The following CLCNKA variants were observed in gnomAD, a reference collection of about 807,000 sequenced individuals.
CLCNKA encodes the protein chloride channel protein ClC-Ka.
In CLCNKA, 66 loss-of-function variants were observed where a neutral mutation model predicts 83.3. That is an observed-to-expected ratio of 0.79 (90% confidence interval 0.65 to 0.97). The LOEUF is 0.97. Among genes scored for constraint, CLCNKA ranks in the 50% least tolerant of loss-of-function variants. CLCNKA has a pLI of 0.00. For missense variants in CLCNKA, 806 were observed against 888.7 expected, an observed-to-expected ratio of 0.91 and a Z score of 1.18; for synonymous variants, 357 against 370.4, an observed-to-expected ratio of 0.96 and a Z score of 0.42.
At chr1:16,026,658 G>A (rs775305478) in intron 6 of CLCNKA, 39 bp from the exon 7 acceptor site, 4 of 1,613,644 alleles carry the variant, frequency 2.5e-6, no homozygotes, top group Non-Finnish European at 3.4e-6. Context: ...AGTGGGGAGG[G>A]AGGGGGCTGA....
chr1:16,028,862 G>C lies in CLCNKA; in HGVS notation c.1053+17G>C, dbSNP rs372457533. Reference sequence around the variant, plus strand: ...GCTTCTCGGGTAAGGGGTCCTGAGCGGGGGTGGCAGGAGTGGGAACCCCCA... The same window carrying C: ...GCTTCTCGGGTAAGGGGTCCTGAGCCGGGGTGGCAGGAGTGGGAACCCCCA... On this transcript the variant is annotated intron_variant, in intron 11 of 19. Transcript: ENST00000331433. The C allele has an allele frequency of 6.8e-6, 11 of 1,613,130 alleles. No homozygotes were observed. Among genetic ancestry groups the C allele is most frequent in the South Asian group, 2.2e-5 (2 of 91,070 alleles).
At chr1:16,023,966 G>A (rs1557448001) in intron 3 of CLCNKA, 38 bp downstream of exon 3, 1 of 1,612,844 alleles carries the variant, frequency 6.2e-7, no homozygotes. Flanking sequence ...TGGGCCAAGG[G>A]ATTCTAGGCA....
chr1:16,023,736 C>T, intron 2 of CLCNKA, 64 bp from the exon 3 acceptor site: 1 of 1,605,848 alleles, frequency 6.2e-7, no homozygotes, highest in African/African-American at 1.3e-5. Flanking sequence ...AGCAGACCTC[C>T]AGGGAAGGGG....
At chr1:16,025,325 A>G (rs2022304479) in intron 4 of CLCNKA, among the ~76,000 whole-genome samples, 1 of 152,216 alleles carries the variant, frequency 6.6e-6, no homozygotes, top group African/African-American at 2.4e-5. Context: ...CTCTGACTCT[A>G]GCATCCAAAT....
In CLCNKA at chr1:16,032,522, A is replaced by T; in HGVS notation, c.1925A>T (p.His642Leu). ...ACGCTATTCTCAGAGACCACCTTGCACCAGGTAACAAGTATTGGGGAGTGT... is the reference window on the plus strand; with the variant it reads ...ACGCTATTCTCAGAGACCACCTTGCTCCAGGTAACAAGTATTGGGGAGTGT... ...TLTLFSETTL[H>L]QAQNLFKLLN... The change falls in exon 18 of 20, where the codon CAC (histidine) becomes CTC (leucine). Residue 642 changes from histidine to leucine, a missense_variant. Coordinates refer to ENST00000331433, the MANE Select transcript of CLCNKA (RefSeq NM_004070.4). 1 of 1,612,018 alleles carries T rather than the reference A, an allele frequency of 6.2e-7. No individual in the cohort carries two copies. Among genetic ancestry groups the T allele is most frequent in the South Asian group, 1.1e-5 (1 of 91,076 alleles).
At chr1:16,031,646 C>A in intron 15 of CLCNKA, 64 bp from the exon 16 acceptor site, 1 of 1,611,816 alleles carries the variant, frequency 6.2e-7, no homozygotes, top group East Asian at 2.2e-5. Flanking sequence ...CCCTCAGATC[C>A]CCTTGCTGGC....
Position 16,024,712 on chromosome 1 carries a change from C to T in CLCNKA, c.230-51C>T, listed in dbSNP as rs2022276318. The stretch of plus-strand genomic sequence containing the variant: ...TAAGTGGGCACCACAGTGTCTGGCC[C>T]TGAGGGCTGCAGAGGCTGTGGGTGC... On this transcript the variant is annotated intron_variant, in intron 3 of 19. Transcript: ENST00000331433. 1.9e-6 allele frequency: 3 copies of T among 1,611,410 alleles called. 1 individual carries two copies. Among genetic ancestry groups the T allele is most frequent in the Admixed American group, 1.7e-5 (1 of 59,980 alleles).
At chr1:16,032,634 T>C in intron 18 of CLCNKA, 108 bp downstream of exon 18, 1 of 823,992 alleles carries the variant, frequency 1.2e-6, no homozygotes, top group Non-Finnish European at 2.1e-6. Flanking sequence ...GCCCATCTTA[T>C]CCTGCTTCCT....
chr1:16,024,562 C>T (rs1252598787), intron 3 of CLCNKA, among the ~76,000 whole-genome samples: 5 of 152,280 alleles, frequency 3.3e-5, no homozygotes, highest in Middle Eastern at 3.4e-3. Context: ...TGCCCAAGGT[C>T]ACTCAGCTAG....
At chr1:16,024,195 C>T (rs986881418) in intron 3 of CLCNKA, among the ~76,000 whole-genome samples, 7 of 152,244 alleles carry the variant, frequency 4.6e-5, no homozygotes, top group African/African-American at 1.4e-4. Flanking sequence ...TCCAGCCACC[C>T]CGTTCCTTCT....
rs61299694 is a variant in CLCNKA, at chr1:16,025,991, C to G, written c.359-117C>G. The G allele has an allele frequency of 7.3e-6, 10 of 1,372,564 alleles. No individual in the cohort carries two copies. In the African/African-American group the frequency reaches 9.9e-5, roughly 14 times the overall value. 85.0% of individuals were successfully genotyped at this position (1,372,564 alleles called of 1,614,324 possible). ...GGCTGGTCTCGAACTCCTGACCTCG[C>G]GATCCGCCTGCCTCGGCCTCCCAAA... is the stretch of plus-strand genomic sequence containing the variant. On this transcript the variant is annotated intron_variant, in intron 4 of 19. Coordinates refer to ENST00000331433, the MANE Select transcript of CLCNKA (RefSeq NM_004070.4).
rs767295101 is a variant in CLCNKA at position 16,026,073 on chromosome 1, T to A, written c.359-35T>A. The A allele has an allele frequency of 1.2e-5, 19 of 1,611,926 alleles. 1 individual carries two copies. The South Asian group carries it at 1.9e-4, about 16-fold the overall frequency. Reference sequence around the variant, plus strand: ...CTGGCAGAGAGTTTTAATCTAGAGATTGTCCCCTGCTTGTTCCTGTCCTGT... The same window carrying A: ...CTGGCAGAGAGTTTTAATCTAGAGAATGTCCCCTGCTTGTTCCTGTCCTGT... On this transcript the variant is annotated intron_variant, in intron 4 of 19. Coordinates refer to ENST00000331433, the MANE Select transcript of CLCNKA (RefSeq NM_004070.4).
At chr1:16,033,033 T>C (rs1570314402) in intron 18 of CLCNKA, 137 bp from the exon 19 acceptor site, 1 of 925,196 alleles carries the variant, frequency 1.1e-6, no homozygotes, top group Middle Eastern at 2.1e-4. Context: ...ACACTGGACA[T>C]TGCAGGCCTG....
Position 16,029,796 on chromosome 1 carries a change from C to G in CLCNKA, c.1293C>G (p.Ile431Met), listed in dbSNP as rs1237889827. The G allele has an allele frequency of 6.2e-7, 1 of 1,614,136 alleles. No homozygotes were observed. Among genetic ancestry groups the G allele is most frequent in the Non-Finnish European group, 8.5e-7 (1 of 1,180,020 alleles). ...CCGGGTACTTCATGCCCATCTTTAT[C>G]CTTGGTGAGTCTGGGGTCCTGAGGT... ...MPAGYFMPIF[I>M]LGAAIGRLLG... The change falls in exon 13 of 20, where the codon ATC becomes ATG. Residue 431 changes from isoleucine to methionine, a missense_variant. Coordinates refer to ENST00000331433, the MANE Select transcript of CLCNKA (RefSeq NM_004070.4).
chr1:16,032,934 G>C (rs1411539525), intron 18 of CLCNKA, among the ~76,000 whole-genome samples: 1 of 152,194 alleles, frequency 6.6e-6, no homozygotes, highest in African/African-American at 2.4e-5. Flanking sequence ...CGCCCCCTCT[G>C]TGCTGCTGGA....
At position 16,022,708 on chromosome 1, in the gene CLCNKA, G is replaced by A. The variant is rs533923354; in HGVS notation, c.89G>A (p.Arg30Gln). The A allele has an allele frequency of 1.6e-5, 24 of 1,538,964 alleles. No individual in the cohort carries two copies. Among genetic ancestry groups the A allele is most frequent in the Middle Eastern group, 1.7e-4 (1 of 5,866 alleles). ...ELWGPCPHIR[R>Q]AIQGGLEWLK... Reference sequence around the variant, plus strand: ...TGGGGCCCCTGTCCCCACATCCGCCGAGCCATCCAAGGTGAGAGCCAGGTC... The same window carrying A: ...TGGGGCCCCTGTCCCCACATCCGCCAAGCCATCCAAGGTGAGAGCCAGGTC... The change falls in exon 2 of 20, where the codon CGA becomes CAA. Residue 30 changes from arginine (R) to glutamine (Q), a missense_variant. Transcript: ENST00000331433.
intron 14 of CLCNKA, 89 bp downstream of exon 14, chr1:16,030,164 G>A: frequency 1.0e-6 from 1 of 985,070 alleles, no homozygotes; most frequent in African/African-American, 1.6e-5. Flanking sequence ...AGGGCACGGA[G>A]CAGTCACTGA....
At chr1:16,026,921 C>A in intron 7 of CLCNKA, 146 bp downstream of exon 7, 1 of 1,100,036 alleles carries the variant, frequency 9.1e-7, no homozygotes, top group Non-Finnish European at 1.3e-6. Flanking sequence ...TATAGCCACC[C>A]CCCGGGGGCG....
rs2022512756 is a variant in CLCNKA, at chr1:16,029,225, C to A, written c.1153C>A (p.Gln385Lys). The change falls in exon 12 of 20, where the codon CAG becomes AAG. Residue 385 changes from glutamine (Q) to lysine (K), a missense_variant. By Grantham distance (53) the Gln-to-Lys change is moderately conservative. Transcript: ENST00000331433. ...SPPWPEELDP[Q>K]HLWWEWYHPR... Reference sequence around the variant, plus strand: ...ACCCTGGCCCGAGGAGCTCGACCCCCAGCACCTTTGGTGGGAATGGTACCA... The same window carrying A: ...ACCCTGGCCCGAGGAGCTCGACCCCAAGCACCTTTGGTGGGAATGGTACCA... 1.2e-6 allele frequency: 2 copies of A among 1,613,808 alleles called. No homozygotes were observed. Among genetic ancestry groups the A allele is most frequent in the African/African-American group, 1.3e-5 (1 of 75,052 alleles).
Sources: allele counts gnomAD v4.1 joint callset (sites outside exome capture counted in the v4.1 genomes callset), GRCh38; gene constraint gnomAD v4.1.1; transcripts MANE v1.5; gene names NCBI Gene and HGNC (gene_info 2026-07-23, HGNC 2026-07-21).